The following DNAI2 variants were observed in gnomAD, a reference collection of about 807,000 sequenced individuals.
DNAI2 encodes the protein dynein, axonemal, intermediate polypeptide 2.
In DNAI2, 63 loss-of-function variants were observed where a neutral mutation model predicts 74.7. The observed-to-expected ratio is 0.84, with a 90% CI of 0.69 to 1.04. The LOEUF (loss-of-function observed/expected upper bound fraction) is 1.04. Ranked by LOEUF, DNAI2 falls within the 50% of genes least tolerant of loss-of-function variation. The pLI is 0.00. For missense variants in DNAI2, 688 were observed against 803.2 expected, an observed-to-expected ratio of 0.86 and a Z score of 1.73; for synonymous variants, 289 against 314.9, an observed-to-expected ratio of 0.92 and a Z score of 0.87.
intron 12 of DNAI2, among the ~76,000 whole-genome samples, chr17:74,312,893 G>A (rs973523861): frequency 6.6e-6 from 1 of 152,092 alleles, no homozygotes; most frequent in African/African-American, 2.4e-5. Flanking sequence ...CCTCCTTCAG[G>A]CCCCACAGAT....
intron 3 of DNAI2, among the ~76,000 whole-genome samples, chr17:74,286,602 T>C (rs1025115276): frequency 2.0e-5 from 3 of 152,128 alleles, no homozygotes; most frequent in Admixed American, 2.0e-4. Flanking sequence ...CTTTTGTATT[T>C]TTGGTAGAGA....
At chr17:74,290,540 G>A (rs979794718) in intron 5 of DNAI2, among the ~76,000 whole-genome samples, 4 of 152,152 alleles carry the variant, frequency 2.6e-5, no homozygotes, top group Admixed American at 6.5e-5. Context: ...GCTTCCCTTC[G>A]TTGTCAGCAT....
chr17:74,304,186 C>CTTTTTTTTTTTTTTTTTTTTTTTTTTTT (rs56696514), intron 8 of DNAI2, among the ~76,000 whole-genome samples: 13 of 67,632 alleles, frequency 1.9e-4, no homozygotes, highest in Non-Finnish European at 2.4e-4. Flanking sequence ...TTTCTTTTTT[C>CTTTTTTTTTTTTTTTTTTTTTTTTTTTT]TTTTTTTTTT....
At chr17:74,308,719 T>G (rs112732262) in intron 9 of DNAI2, among the ~76,000 whole-genome samples, 12,866 of 151,962 alleles carry the variant, frequency 0.085, 1,243 homozygotes, top group African/African-American at 0.24. Flanking sequence ...ACAGGGTCTT[T>G]CCATGTTGTC....
At chr17:74,274,583 C>A (rs1165626745) in intron 1 of DNAI2, among the ~76,000 whole-genome samples, 2 of 152,184 alleles carry the variant, frequency 1.3e-5, no homozygotes, top group Non-Finnish European at 2.9e-5. Context: ...CCTCTGTACA[C>A]CCTGCCTCAT....
At position 74,294,020 on chromosome 17, in the gene DNAI2, C is replaced by T. The variant is rs142292902; in HGVS notation, c.724+2887C>T. Among the ~76,000 whole-genome samples, 71 of 152,014 alleles carry T rather than the reference C, an allele frequency of 4.7e-4. No homozygotes were observed. In the East Asian group the frequency reaches 0.012, roughly 26 times the overall value. ...CTGATCTCGAACTCCTGGCCTCAAG[C>T]GATATGCCCACCTCGGCCTCCCAAA... On this transcript the variant is annotated intron_variant, in intron 6 of 13. Coordinates refer to ENST00000311014, the MANE Select transcript of DNAI2 (RefSeq NM_023036.6).
intron 5 of DNAI2, among the ~76,000 whole-genome samples, chr17:74,290,792 A>G (rs1283884081): frequency 6.6e-6 from 1 of 152,196 alleles, no homozygotes; most frequent in African/African-American, 2.4e-5. Flanking sequence ...GCACACCCCA[A>G]TCCTGTTCAC....
intron 2 of DNAI2, 29 bp from the exon 3 acceptor site, chr17:74,285,011 C>T (rs778212524): frequency 2.5e-5 from 40 of 1,613,758 alleles, no homozygotes; most frequent in Non-Finnish European, 3.1e-5. Flanking sequence ...ACCAGGGTGA[C>T]GTCTTCCCTC....
At chr17:74,295,707 G>A (rs2052386111) in intron 6 of DNAI2, among the ~76,000 whole-genome samples, 1 of 152,098 alleles carries the variant, frequency 6.6e-6, no homozygotes, top group African/African-American at 2.4e-5. Context: ...TTGCAAATCA[G>A]ATTGACATAC....
chr17:74,278,695 T>G (rs56066632), intron 1 of DNAI2, among the ~76,000 whole-genome samples: 30,392 of 151,834 alleles, frequency 0.2, 3,514 homozygotes, highest in African/African-American at 0.31. Context: ...GAGAACCACT[T>G]GAACGCAGGA....
At chr17:74,304,141 T>G (rs542873456) in intron 8 of DNAI2, among the ~76,000 whole-genome samples, 94 of 148,946 alleles carry the variant, frequency 6.3e-4, no homozygotes, top group African/African-American at 2.2e-3. Context: ...ATAAATAAAC[T>G]AGGAGTTCTT....
chr17:74,311,411 C>T (rs373420833), intron 11 of DNAI2, among the ~76,000 whole-genome samples: 24 of 152,170 alleles, frequency 1.6e-4, no homozygotes, highest in South Asian at 4.2e-4. Context: ...GTCGGGAGTT[C>T]GAGACCAGCC....
chr17:74,304,186 CTTTTTTTT>C (rs56696514), intron 8 of DNAI2, among the ~76,000 whole-genome samples: 44 of 67,648 alleles, frequency 6.5e-4, no homozygotes, highest in African/African-American at 1.5e-3. Flanking sequence ...TTTCTTTTTT[CTTTTTTTT>C]TTTTTTTTTT....
chr17:74,309,646 C>G, intron 10 of DNAI2: 1 of 695,952 alleles, frequency 1.4e-6, no homozygotes, highest in South Asian at 1.5e-5. Context: ...GAAACAAAAG[C>G]AGGTACCCGG....
At chr17:74,313,946 C>T (rs1207471331) in intron 12 of DNAI2, 175 bp from the exon 13 acceptor site, 3 of 932,810 alleles carry the variant, frequency 3.2e-6, no homozygotes. Flanking sequence ...TGCCCACTTT[C>T]CGCACTGTCT....
rs865867327 is a variant in DNAI2, at chr17:74,289,667, G to C, written c.541G>C (p.Ala181Pro). ...HPDGNRKLAV[A>P]YSCLDFQRAP... ...CGATGGCAACAGGAAGTTGGCAGTG[G>C]CATACTCCTGCTTGGATTTTCAGCG... The change falls in exon 5 of 14, where the codon GCA becomes CCA. Residue 181 changes from alanine to proline, a missense_variant. Ala to Pro is a conservative substitution (Grantham distance 27). Coordinates refer to ENST00000311014, the MANE Select transcript of DNAI2 (RefSeq NM_023036.6). 3 of 1,613,984 alleles carry C rather than the reference G, an allele frequency of 1.9e-6. No homozygotes were observed. The highest frequency in any genetic ancestry group is 2.5e-6 in the Non-Finnish European group (3 of 1,180,034).
intron 2 of DNAI2, among the ~76,000 whole-genome samples, chr17:74,283,588 A>G (rs1206713825): frequency 1.3e-5 from 2 of 152,170 alleles, no homozygotes; most frequent in African/African-American, 2.4e-5. Context: ...AGCTTGGGCA[A>G]CAGAATGAGA....
intron 6 of DNAI2, among the ~76,000 whole-genome samples, chr17:74,296,365 G>A (rs1378788241): frequency 1.1e-5 from 1 of 94,956 alleles, no homozygotes; most frequent in African/African-American, 3.2e-5. Context: ...GAGGAAGGGG[G>A]AAGGAGGGAG....
intron 8 of DNAI2, among the ~76,000 whole-genome samples, chr17:74,304,503 G>A (rs773528349): frequency 6.6e-6 from 1 of 152,172 alleles, no homozygotes; most frequent in Non-Finnish European, 1.5e-5. Context: ...ACAAGGAAGG[G>A]CATTGCGTGA....
Sources: allele counts gnomAD v4.1 joint callset (sites outside exome capture counted in the v4.1 genomes callset), GRCh38; gene constraint gnomAD v4.1.1; transcripts MANE v1.5; gene names NCBI Gene and HGNC (gene_info 2026-07-23, HGNC 2026-07-21).